Variants in CDKL3 observed in about 807,000 individuals in gnomAD.
The protein encoded by CDKL3 is cyclin dependent kinase like 3, also known as cyclin-dependent kinase-like 3.
A neutral mutation model predicts 69.3 loss-of-function variants in CDKL3; 65 were observed. That is an observed-to-expected ratio of 0.94 (90% CI 0.77 to 1.15). CDKL3 has a LOEUF of 1.15. Ranked by LOEUF, CDKL3 falls within the 50% of genes most tolerant of loss-of-function variation. The pLI, the probability that CDKL3 is intolerant of heterozygous loss-of-function variation, is 0.00. For missense variants in CDKL3, 652 were observed against 689.2 expected, an observed-to-expected ratio of 0.95 and a Z score of 0.61; for synonymous variants, 202 against 221.6, an observed-to-expected ratio of 0.91 and a Z score of 0.79.
chr5:134,286,852 G>A (rs1764891810), intron 8 of CDKL3, among the ~76,000 whole-genome samples: 1 of 152,202 alleles, frequency 6.6e-6, no homozygotes, highest in African/African-American at 2.4e-5. Context: ...TGAGATTTGT[G>A]TGGGGACACA....
At position 134,302,649 on chromosome 5, in the gene CDKL3, TTTTC is replaced by T; in HGVS notation, c.1656_1659del (p.Lys553GlnfsTer31). The T allele has an allele frequency of 6.2e-7, 1 of 1,602,844 alleles. No homozygotes were observed. Among genetic ancestry groups the T allele is most frequent in the Admixed American group, 1.7e-5 (1 of 58,590 alleles). ...AAAGTTGGTATCTTAGATGACTCTG[TTTTC>T]TTTGACTCCCTCTTCAGCATTTTTA... On this transcript the variant is annotated frameshift_variant, in exon 12 of 13. Coordinates refer to ENST00000265334, the MANE Select transcript of CDKL3 (RefSeq NM_001113575.2). LOFTEE classifies it high-confidence loss of function.
chr5:134,296,816 C>CACACAT (rs1554074934), downstream of CDKL3, among the ~76,000 whole-genome samples: 4 of 150,822 alleles, frequency 2.7e-5, no homozygotes, highest in Non-Finnish European at 4.4e-5. Context: ...CACACACACA[C>CACACAT]GCACGCACAC....
chr5:134,326,866 TAC>T (rs1219130463), intron 4 of CDKL3, among the ~76,000 whole-genome samples: 69 of 98,236 alleles, frequency 7.0e-4, no homozygotes, highest in African/African-American at 2.5e-3. Flanking sequence ...TATATATATA[TAC>T]ACACACACAC....
chr5:134,288,329 T>C (rs1223873176), intron 8 of CDKL3, among the ~76,000 whole-genome samples: 2 of 152,234 alleles, frequency 1.3e-5, no homozygotes, highest in Non-Finnish European at 2.9e-5. Flanking sequence ...AGTACTAGTA[T>C]CTCTTTTTTG....
At chr5:134,370,103 C>A (rs1443913299), upstream of CDKL3, among the ~76,000 whole-genome samples, 2 of 152,170 alleles carry the variant, frequency 1.3e-5, no homozygotes, top group East Asian at 3.8e-4. Context: ...GAAAGAGGTA[C>A]AAGGAAAGTC....
chr5:134,301,186 A>AG (rs1171694974), intron 12 of CDKL3, among the ~76,000 whole-genome samples: 15 of 151,938 alleles, frequency 9.9e-5, no homozygotes, highest in Non-Finnish European at 2.2e-4. Context: ...TTAGTAGAGA[A>AG]GGGGTTTCAC....
At chr5:134,359,416 T>C (rs1418408527) in intron 3 of CDKL3, among the ~76,000 whole-genome samples, 2 of 152,192 alleles carry the variant, frequency 1.3e-5, no homozygotes, top group East Asian at 1.9e-4. Flanking sequence ...TGATTTTTCA[T>C]AGGTTAAATG....
At chr5:134,333,743 A>G (rs964761606) in intron 4 of CDKL3, among the ~76,000 whole-genome samples, 27 of 152,204 alleles carry the variant, frequency 1.8e-4, no homozygotes, top group African/African-American at 5.1e-4. Flanking sequence ...TTTTGCATCA[A>G]TGTTCATCAT....
At chr5:134,368,199 G>A (rs1033619799), upstream of CDKL3, among the ~76,000 whole-genome samples, 3 of 152,192 alleles carry the variant, frequency 2.0e-5, no homozygotes, top group Non-Finnish European at 4.4e-5. Context: ...TTGGGATAGC[G>A]TAAATAAATT....
intron 12 of CDKL3, among the ~76,000 whole-genome samples, chr5:134,300,875 T>C (rs937236019): frequency 4.6e-5 from 7 of 152,094 alleles, no homozygotes; most frequent in Non-Finnish European, 1.0e-4. Flanking sequence ...ACTCACCCAA[T>C]GATTGAAAAA....
chr5:134,357,436 C>T (rs1754894655), intron 3 of CDKL3, among the ~76,000 whole-genome samples: 1 of 144,574 alleles, frequency 6.9e-6, no homozygotes, highest in Admixed American at 7.0e-5. Context: ...AAGACTCTGT[C>T]TCAAAATAAA....
At chr5:134,353,971 C>T (rs181102540) in intron 3 of CDKL3, among the ~76,000 whole-genome samples, 235 of 152,248 alleles carry the variant, frequency 1.5e-3, no homozygotes, top group African/African-American at 5.5e-3. Context: ...CCCTATTAAC[C>T]TCCTTTCCCT....
chr5:134,295,442 G>A (rs994589387), downstream of CDKL3, among the ~76,000 whole-genome samples: 5 of 152,126 alleles, frequency 3.3e-5, no homozygotes, highest in Non-Finnish European at 4.4e-5. Flanking sequence ...ACTGGAGTAA[G>A]GATCAACAAA....
chr5:134,331,293 C>CT (rs932104380), intron 4 of CDKL3, among the ~76,000 whole-genome samples: 1 of 151,954 alleles, frequency 6.6e-6, no homozygotes, highest in African/African-American at 2.4e-5. Context: ...TTCCTCCTTT[C>CT]TTTTTTTAAT....
At chr5:134,361,248 T>C (rs576180874) in intron 2 of CDKL3, among the ~76,000 whole-genome samples, 4 of 150,372 alleles carry the variant, frequency 2.7e-5, no homozygotes, top group Admixed American at 6.7e-5. Context: ...AAATGAAGGG[T>C]TTTTTTTTGT....
intron 4 of CDKL3, among the ~76,000 whole-genome samples, chr5:134,341,492 A>G (rs1357325919): frequency 6.6e-6 from 1 of 152,258 alleles, no homozygotes; most frequent in East Asian, 1.9e-4. Flanking sequence ...TTGCATGATA[A>G]TGATATGAGT....
intron 12 of CDKL3, chr5:134,302,038 T>C (rs991596403): frequency 1.4e-5 from 6 of 426,118 alleles, no homozygotes; most frequent in African/African-American, 1.2e-4. Context: ...AAAGACTGTC[T>C]TTATAGAGCA....
At chr5:134,287,725 C>T (rs1764932160) in intron 8 of CDKL3, among the ~76,000 whole-genome samples, 1 of 152,120 alleles carries the variant, frequency 6.6e-6, no homozygotes, top group Non-Finnish European at 1.5e-5. Flanking sequence ...GCACAGGCTG[C>T]ACCCAAAGCC....
rs377660578 is a variant in CDKL3, at chr5:134,366,561, A to C, written c.-21-17T>G. ...CTTTTACTACTTTATAGAAATAAAG[A>C]AAGAAAATGGAAAATGTTAAACGTT... On this transcript the variant is annotated splice_polypyrimidine_tract_variant and intron_variant, in intron 1 of 12. Transcript: ENST00000265334. 6.8e-7 allele frequency: 1 copy of C among 1,474,588 alleles called. No individual in the cohort carries two copies. The highest frequency in any genetic ancestry group is 9.2e-7 in the Non-Finnish European group (1 of 1,084,682). 91.3% of individuals were successfully genotyped at this position (1,474,588 alleles called of 1,614,324 possible).
Sources: gnomAD v4.1 joint callset for allele counts (sites outside exome capture counted in the v4.1 genomes callset) on GRCh38, gnomAD v4.1.1 for gene constraint, MANE v1.5 for transcripts, NCBI Gene and HGNC (gene_info 2026-07-23, HGNC 2026-07-21) for gene names.